GALNT2: variants seen among roughly 807,000 people sequenced by gnomAD.
GALNT2 encodes the protein polypeptide N-acetylgalactosaminyltransferase 2.
In GALNT2, 31 loss-of-function variants were observed where a neutral mutation model predicts 81.4. The observed-to-expected ratio is 0.38, with a 90% CI of 0.29 to 0.51. The LOEUF is 0.51. Among genes scored for constraint, GALNT2 ranks in the 20% least tolerant of loss-of-function variants. The probability of loss-of-function intolerance (pLI) is 0.87; values close to 1 mark genes in which losing one functional copy is unlikely to be tolerated. For missense variants in GALNT2, 629 were observed against 765.7 expected (o/e 0.82, Z 2.11); for synonymous variants, 303 against 287.4 (o/e 1.05, Z -0.55).
chr1:230,071,772 C>G (rs1218017151), intron 1 of GALNT2, among the ~76,000 whole-genome samples: 1 of 152,140 alleles, frequency 6.6e-6, no homozygotes, highest in African/African-American at 2.4e-5. Context: ...ACTGTATAGC[C>G]AGATAATCCG....
Position 230,070,044 on chromosome 1 carries a change from T to C in GALNT2, c.126+2638T>C, listed in dbSNP as rs1407436865. On this transcript the variant is annotated intron_variant, in intron 1 of 15. Coordinates refer to ENST00000366672, the MANE Select transcript of GALNT2 (RefSeq NM_004481.5). The surrounding 1 kb of genome is among the most constrained non-coding windows in gnomAD (Gnocchi z 4.7). The stretch of plus-strand genomic sequence containing the variant: ...TAAGTAACTCATCACAGAACTGTTA[T>C]TCTCCACTTGGCAAAACCCAGAGAG... Among the ~76,000 whole-genome samples the C allele has an allele frequency of 6.6e-6, 1 of 152,166 alleles. No homozygotes were observed. The highest frequency in any genetic ancestry group is 2.4e-5 in the African/African-American group (1 of 41,434).
intron 3 of GALNT2, among the ~76,000 whole-genome samples, chr1:230,231,997 T>TG (rs1416135460): frequency 4.6e-5 from 7 of 152,228 alleles, no homozygotes; most frequent in Non-Finnish European, 8.8e-5. Flanking sequence ...AGTATGAAAG[T>TG]GCCCCTGGCA....
chr1:230,138,750 G>A (rs893433315), intron 1 of GALNT2, among the ~76,000 whole-genome samples: 9 of 152,158 alleles, frequency 5.9e-5, no homozygotes, highest in African/African-American at 1.7e-4. Context: ...ACGTTGCCAT[G>A]GCATTTGTAA....
intron 1 of GALNT2, among the ~76,000 whole-genome samples, chr1:230,135,609 G>C (rs1429262923): frequency 6.6e-6 from 1 of 152,116 alleles, no homozygotes; most frequent in South Asian, 2.1e-4. Context: ...AGCTGAGTGT[G>C]GGGGGCCCTT....
chr1:230,164,210 A>G (rs1662527400), intron 1 of GALNT2, among the ~76,000 whole-genome samples: 1 of 152,074 alleles, frequency 6.6e-6, no homozygotes, highest in African/African-American at 2.4e-5. Flanking sequence ...TGTTGCTGTT[A>G]TTTCCATGTT....
chr1:230,176,020 C>G (rs1222819646), intron 1 of GALNT2, among the ~76,000 whole-genome samples: 1 of 152,096 alleles, frequency 6.6e-6, no homozygotes, highest in Non-Finnish European at 1.5e-5. Context: ...GGTCAATGCA[C>G]AATGCTTGGC....
chr1:230,089,641 A>G (rs1660002263), intron 1 of GALNT2, among the ~76,000 whole-genome samples: 2 of 152,216 alleles, frequency 1.3e-5, no homozygotes, highest in South Asian at 4.1e-4. Flanking sequence ...TCTTCTAGGT[A>G]GCTCATGTAA....
chr1:230,162,286 T>C lies in GALNT2; in HGVS notation c.127-15932T>C, dbSNP rs182879168. On this transcript the variant is annotated intron_variant, in intron 1 of 15. Transcript: ENST00000366672. The stretch of plus-strand genomic sequence containing the variant: ...GTTAGGATGAAGCTCCTGTATCTGA[T>C]CACCTACCATATTCCACACATTTTC... Among the ~76,000 whole-genome samples, 209 of 152,314 alleles carry C rather than the reference T, an allele frequency of 1.4e-3. 1 individual carries two copies. Among genetic ancestry groups the C allele is most frequent in the African/African-American group, 4.9e-3 (204 of 41,562 alleles).
intron 1 of GALNT2, among the ~76,000 whole-genome samples, chr1:230,105,319 T>C (rs763119375): frequency 2.6e-5 from 4 of 152,180 alleles, no homozygotes; most frequent in Admixed American, 6.5e-5. Context: ...TTTTAGACAT[T>C]GTTTGGTCAG....
At chr1:230,187,877 G>A (rs748500842) in intron 2 of GALNT2, among the ~76,000 whole-genome samples, 25 of 151,896 alleles carry the variant, frequency 1.6e-4, no homozygotes, top group Non-Finnish European at 3.4e-4. Flanking sequence ...TCCAACATCC[G>A]GCTGTTTCTT....
chr1:230,239,683 G>C (rs1355817066), intron 6 of GALNT2, among the ~76,000 whole-genome samples: 1 of 152,126 alleles, frequency 6.6e-6, no homozygotes, highest in Non-Finnish European at 1.5e-5. Context: ...GACTAGGTTT[G>C]GGTCTGCTCT....
chr1:230,211,187 C>G (rs779749223), intron 3 of GALNT2, among the ~76,000 whole-genome samples: 3 of 152,202 alleles, frequency 2.0e-5, no homozygotes, highest in Non-Finnish European at 4.4e-5. Context: ...GACGGAACCG[C>G]TGCTCCATGG....
At chr1:230,094,981 G>A (rs1018463733) in intron 1 of GALNT2, among the ~76,000 whole-genome samples, 19 of 152,302 alleles carry the variant, frequency 1.2e-4, no homozygotes, top group African/African-American at 4.3e-4. Context: ...CTCTAAGCAC[G>A]GGCCGCGATG....
At chr1:230,149,177 A>G (rs4846839) in intron 1 of GALNT2, among the ~76,000 whole-genome samples, 119,299 of 152,192 alleles carry the variant, frequency 0.78, 47,307 homozygotes, top group African/African-American at 0.81. Flanking sequence ...CACTGAGCCT[A>G]GCCTACTTGT....
intron 3 of GALNT2, among the ~76,000 whole-genome samples, chr1:230,215,277 TGCACCTACAA>T (rs1191785928): frequency 1.3e-5 from 2 of 152,228 alleles, no homozygotes; most frequent in Non-Finnish European, 2.9e-5. Flanking sequence ...CACTTGGCTC[TGCACCTACAA>T]GACCATCGCT....
intron 1 of GALNT2, among the ~76,000 whole-genome samples, chr1:230,154,141 C>T (rs1422928275): frequency 1.4e-4 from 21 of 152,192 alleles, no homozygotes; most frequent in Admixed American, 1.3e-3. Flanking sequence ...TGCCATTGTG[C>T]AACGGGGATG....
chr1:230,073,541 G>A (rs576907565), intron 1 of GALNT2, among the ~76,000 whole-genome samples: 10 of 152,328 alleles, frequency 6.6e-5, no homozygotes, highest in African/African-American at 2.4e-4. Flanking sequence ...GGCCCCAGAA[G>A]CATGGGGTGT....
chr1:230,169,445 T>A (rs1662719085), intron 1 of GALNT2, among the ~76,000 whole-genome samples: 1 of 152,228 alleles, frequency 6.6e-6, no homozygotes, highest in Non-Finnish European at 1.5e-5. Context: ...CTATTCCTAG[T>A]TGCATTTTCT....
chr1:230,201,962 C>T (rs1663906645), intron 2 of GALNT2, among the ~76,000 whole-genome samples: 1 of 152,162 alleles, frequency 6.6e-6, no homozygotes, highest in South Asian at 2.1e-4. Context: ...GTTCCAACCA[C>T]TGGAAATTGT....
Sources: gnomAD v4.1 joint callset for allele counts (sites outside exome capture counted in the v4.1 genomes callset) on GRCh38, gnomAD v4.1.1 for gene constraint, Gnocchi (gnomAD v3.1) non-coding constraint, MANE v1.5 for transcripts, NCBI Gene and HGNC (gene_info 2026-07-23, HGNC 2026-07-21) for gene names.